Variants in ACYP2 observed in about 807,000 individuals in gnomAD.
The protein encoded by ACYP2 is acylphosphatase 2, also known as acylphosphatase-2.
ACYP2 carries 12 observed loss-of-function variants against 11.2 expected under a neutral mutation model. The observed-to-expected ratio is 1.08, with a 90% CI of 0.69 to 1.74. The LOEUF is 1.74. Ranked by LOEUF, ACYP2 falls within the 40% of genes most tolerant of loss-of-function variation. The pLI is 0.00. For synonymous variants in ACYP2, 43 were observed against 32.2 expected, an observed-to-expected ratio of 1.33 and a Z score of -1.13; for missense variants, 134 against 101.9, an observed-to-expected ratio of 1.31 and a Z score of -1.35.
At chr2:54,131,496 C>G (rs1473083019) in intron 4 of ACYP2, among the ~76,000 whole-genome samples, 1 of 152,180 alleles carries the variant, frequency 6.6e-6, no homozygotes, top group Non-Finnish European at 1.5e-5. Flanking sequence ...AGGGAGAAAT[C>G]TACGTGACAG....
intron 2 of ACYP2, among the ~76,000 whole-genome samples, chr2:54,034,854 C>G (rs931581780): frequency 6.6e-6 from 1 of 151,646 alleles, no homozygotes; most frequent in Non-Finnish European, 1.5e-5. Flanking sequence ...ACTAAAAATA[C>G]AAAAAATTAG....
intron 4 of ACYP2, among the ~76,000 whole-genome samples, chr2:54,085,806 T>A (rs1458668504): frequency 6.6e-6 from 1 of 152,178 alleles, no homozygotes; most frequent in Non-Finnish European, 1.5e-5. Flanking sequence ...ATATGGCTGT[T>A]AATTATATCA....
chr2:54,000,992 T>C (rs1427072689), intron 2 of ACYP2, among the ~76,000 whole-genome samples: 2 of 152,228 alleles, frequency 1.3e-5, no homozygotes, highest in African/African-American at 4.8e-5. Flanking sequence ...CTTTCAACTA[T>C]AGCATAGCTT....
At chr2:54,175,488 G>T (rs1042585562) in intron 6 of ACYP2, among the ~76,000 whole-genome samples, 2 of 151,478 alleles carry the variant, frequency 1.3e-5, no homozygotes, top group Non-Finnish European at 2.9e-5. Context: ...CAAGCTCCTG[G>T]ATTCATTGAT....
At chr2:54,237,746 T>C (rs1686551829) in intron 6 of ACYP2, among the ~76,000 whole-genome samples, 1 of 152,224 alleles carries the variant, frequency 6.6e-6, no homozygotes, top group East Asian at 1.9e-4. Context: ...TTTCCTTATC[T>C]TGGTTTAAGT....
chr2:53,974,932 T>TA (rs1671395497), intron 2 of ACYP2, among the ~76,000 whole-genome samples: 1 of 152,068 alleles, frequency 6.6e-6, no homozygotes, highest in Non-Finnish European at 1.5e-5. Flanking sequence ...TCAAGACACT[T>TA]ACATGCTGAT....
chr2:54,127,228 G>T (rs1346928875), intron 4 of ACYP2, among the ~76,000 whole-genome samples: 2 of 151,668 alleles, frequency 1.3e-5, no homozygotes, highest in South Asian at 2.1e-4. Context: ...CCCTATTAAG[G>T]TTTTCCATCT....
chr2:54,075,335 CT>C (rs1677272087), intron 4 of ACYP2, among the ~76,000 whole-genome samples: 1 of 151,956 alleles, frequency 6.6e-6, no homozygotes, highest in Non-Finnish European at 1.5e-5. Flanking sequence ...CCCGTTTCTA[CT>C]AAAAATACAA....
intron 2 of ACYP2, among the ~76,000 whole-genome samples, chr2:53,999,838 C>A (rs945945692): frequency 3.9e-5 from 6 of 152,024 alleles, no homozygotes. Context: ...ATCAAATTCC[C>A]AGGGAAAATT....
intron 6 of ACYP2, among the ~76,000 whole-genome samples, chr2:54,274,489 AAATT>A (rs1184369410): frequency 6.6e-6 from 1 of 151,932 alleles, no homozygotes; most frequent in Non-Finnish European, 1.5e-5. Flanking sequence ...ATAAAATAAA[AAATT>A]AACCAGGTAC....
At chr2:54,180,597 C>T (rs893223405) in intron 6 of ACYP2, among the ~76,000 whole-genome samples, 1 of 152,138 alleles carries the variant, frequency 6.6e-6, no homozygotes, top group Non-Finnish European at 1.5e-5. Flanking sequence ...CTGTGTCGCC[C>T]AGGCTAAAGT....
intron 4 of ACYP2, among the ~76,000 whole-genome samples, chr2:54,077,272 G>A (rs1677393936): frequency 1.3e-5 from 2 of 152,200 alleles, no homozygotes; most frequent in South Asian, 4.1e-4. Flanking sequence ...CATAGTTGGA[G>A]CAAAAGACCT....
rs545495241 is a variant in ACYP2 at position 54,028,945 on chromosome 2, C to T, written c.63-22013C>T. Among the ~76,000 whole-genome samples, 12 of 152,274 alleles carry T rather than the reference C, an allele frequency of 7.9e-5. No homozygotes were observed. The South Asian group carries it at 2.5e-3, about 32-fold the overall frequency. ...AACTGGTGGCTGGAGGATCATTGAG[C>T]TCAGCAGTTTGAGACCACTTTGGGT... On this transcript the variant is annotated intron_variant, in intron 2 of 6. Transcript: ENST00000607452.
intron 6 of ACYP2, among the ~76,000 whole-genome samples, chr2:54,159,976 T>G (rs1425650287): frequency 6.6e-6 from 1 of 152,210 alleles, no homozygotes. Context: ...CCCCTCACTG[T>G]GTGCTCTGCT....
chr2:53,992,094 T>C (rs6745414), intron 2 of ACYP2, among the ~76,000 whole-genome samples: 1 of 145,388 alleles, frequency 6.9e-6, no homozygotes, highest in Admixed American at 6.9e-5. Context: ...CTTCCTTCCT[T>C]CCTCCTTCCC....
intron 4 of ACYP2, among the ~76,000 whole-genome samples, chr2:54,094,680 G>A (rs1418060909): frequency 2.6e-5 from 4 of 152,104 alleles, no homozygotes; most frequent in African/African-American, 9.7e-5. Flanking sequence ...CAGGACTACA[G>A]GCATGTGCCA....
intron 6 of ACYP2, among the ~76,000 whole-genome samples, chr2:54,144,367 C>A (rs150542386): frequency 6.6e-6 from 1 of 151,854 alleles, no homozygotes; most frequent in Non-Finnish European, 1.5e-5. Context: ...AAATTTGTTG[C>A]GATAAATTTT....
In ACYP2 at chr2:53,990,859, C is replaced by T. The variant is rs564837961; in HGVS notation, c.62+17049C>T. On this transcript the variant is annotated intron_variant, in intron 2 of 6. Coordinates refer to ENST00000607452, the MANE Select transcript of ACYP2 (RefSeq NM_001320586.2). The stretch of plus-strand genomic sequence containing the variant: ...TCGCCCAGGCTGGAGTGCGGTGGCG[C>T]GATCTCGGCTCACTGCCAGCTCCGC... Among the ~76,000 whole-genome samples the T allele has an allele frequency of 1.8e-3, 274 of 151,716 alleles. 2 individuals are homozygous for T. Among genetic ancestry groups the T allele is most frequent in the African/African-American group, 6.2e-3 (257 of 41,372 alleles).
At chr2:54,256,171 G>A (rs763345976) in intron 6 of ACYP2, 3 of 1,598,930 alleles carry the variant, frequency 1.9e-6, no homozygotes, top group Non-Finnish European at 2.6e-6. Flanking sequence ...GGCCAGGGCA[G>A]CAGTGGGTAG....
Sources: gnomAD v4.1 joint callset for allele counts (sites outside exome capture counted in the v4.1 genomes callset) on GRCh38, gnomAD v4.1.1 for gene constraint, MANE v1.5 for transcripts, NCBI Gene and HGNC (gene_info 2026-07-23, HGNC 2026-07-21) for gene names.